The following CNNM4 variants were observed in gnomAD, a reference collection of about 807,000 sequenced individuals.
CNNM4 encodes the protein cyclin and CBS domain divalent metal cation transport mediator 4, also known as metal transporter CNNM4.
CNNM4 carries 32 observed loss-of-function variants against 53.7 expected under a neutral mutation model. The ratio of observed to expected loss-of-function variants is 0.60; its 90% CI spans 0.45 to 0.80. CNNM4 has a LOEUF of 0.80. Ranked by LOEUF, CNNM4 falls within the 30% of genes least tolerant of loss-of-function variation. CNNM4 has a pLI of 0.00. For synonymous variants in CNNM4, 410 were observed against 440.0 expected (o/e 0.93, Z 0.85); for missense variants, 784 against 1,022.0 (o/e 0.77, Z 3.17).
intron 1 of CNNM4, among the ~76,000 whole-genome samples, chr2:96,790,200 G>A (rs1374395872): frequency 1.3e-5 from 2 of 149,694 alleles, no homozygotes; most frequent in Non-Finnish European, 3.0e-5. Flanking sequence ...TAGAGATGGG[G>A]TTTCACCGTG....
intron 1 of CNNM4, among the ~76,000 whole-genome samples, chr2:96,785,303 G>C: frequency 6.6e-6 from 1 of 151,948 alleles, no homozygotes; most frequent in Non-Finnish European, 1.5e-5. Context: ...TGTTATACTA[G>C]TACATGTATT....
chr2:96,808,229 G>A lies in CNNM4; in HGVS notation c.1949-332G>A, dbSNP rs977323870. Among the ~76,000 whole-genome samples, 7 of 152,150 alleles carry A rather than the reference G, an allele frequency of 4.6e-5. No individual in the cohort carries two copies. The highest frequency in any genetic ancestry group is 1.0e-4 in the Non-Finnish European group (7 of 68,020). On this transcript the variant is annotated intron_variant, in intron 5 of 6. Transcript: ENST00000377075. This position sits in a 1 kb window ranked among gnomAD's most constrained non-coding sequence, Gnocchi z 4.9. ...CCTGTCCTGCTAGGATGATCATTGTGTTGCCCTTGACTGATTGGTTGTTGT... is the reference window on the plus strand; with the variant it reads ...CCTGTCCTGCTAGGATGATCATTGTATTGCCCTTGACTGATTGGTTGTTGT...
At chr2:96,765,125 G>GT (rs1464238818) in intron 1 of CNNM4, among the ~76,000 whole-genome samples, 2 of 109,242 alleles carry the variant, frequency 1.8e-5, no homozygotes, top group Admixed American at 1.2e-4. Context: ...TTGTTTGTTT[G>GT]TTGTTGTTTT....
intron 1 of CNNM4, among the ~76,000 whole-genome samples, chr2:96,787,004 T>C (rs1036320514): frequency 6.6e-6 from 1 of 152,204 alleles, no homozygotes; most frequent in Non-Finnish European, 1.5e-5. Context: ...TCTACTGTTT[T>C]GGAACTTTTT....
chr2:96,765,577 A>C (rs1487559113), intron 1 of CNNM4, among the ~76,000 whole-genome samples: 1 of 152,050 alleles, frequency 6.6e-6, no homozygotes, highest in African/African-American at 2.4e-5. Flanking sequence ...CTGCCCCACA[A>C]GTAATCCTCT....
Position 96,762,268 on chromosome 2 carries a change from C to T in CNNM4, c.1269C>T (p.Tyr423=), listed in dbSNP as rs758866379. The change falls in exon 1 of 7, where the codon TAC becomes TAT. Residue 423 remains tyrosine (Y), a synonymous_variant. Coordinates refer to ENST00000377075, the MANE Select transcript of CNNM4 (RefSeq NM_020184.4). ...AGTCCAATATTGTAGATATTCTCTA[C>T]GTCAAAGACTTGGCCTTTGTGGACC... ...DEQSNIVDIL[Y]VKDLAFVDPD... is the part of the protein sequence containing the mutation. 8 of 1,614,156 alleles carry T rather than the reference C, an allele frequency of 5.0e-6. No individual in the cohort carries two copies. In the Admixed American group the frequency reaches 6.7e-5, roughly 13 times the overall value.
At chr2:96,805,852 C>T (rs373837592) in intron 5 of CNNM4, among the ~76,000 whole-genome samples, 9 of 150,810 alleles carry the variant, frequency 6.0e-5, no homozygotes, top group African/African-American at 1.5e-4. Flanking sequence ...TACTTCTTTC[C>T]ACACAGACAC....
rs1307384263 is a variant in CNNM4, at chr2:96,761,615, C to T, written c.616C>T (p.Leu206Phe). The T allele has an allele frequency of 1.2e-6, 2 of 1,613,962 alleles. No homozygotes were observed. The highest frequency in any genetic ancestry group is 1.3e-5 in the African/African-American group (1 of 75,040). Residue 206 changes from leucine to phenylalanine, a missense_variant, in exon 1 of 7, where the codon CTT becomes TTT. Around this residue, in one of 3 missense-constraint regions of CNNM4, gnomAD observed 473 missense variants for 624.6 expected, o/e 0.76. Transcript: ENST00000377075. The surrounding 1 kb of genome is among the most constrained non-coding windows in gnomAD (Gnocchi z 6.0). ...CATATTTTCTGGCCTCAACCTCGGGCTTATGGCCCTGGACCCCATGGAGCT... is the reference window on the plus strand; with the variant it reads ...CATATTTTCTGGCCTCAACCTCGGGTTTATGGCCCTGGACCCCATGGAGCT... ...SGIFSGLNLGLMALDPMELRI... is the reference protein window; with the variant it reads ...SGIFSGLNLGFMALDPMELRI...
In CNNM4 at chr2:96,797,072, A is replaced by G. The variant is rs2079110406; in HGVS notation, c.1463A>G (p.Tyr488Cys). 1 of 1,613,960 alleles carries G rather than the reference A, an allele frequency of 6.2e-7. No homozygotes were observed. Among genetic ancestry groups the G allele is most frequent in the South Asian group, 1.1e-5 (1 of 91,080 alleles). Reference sequence around the variant, plus strand: ...AACGAGGGTGAGGGTGACCCCTTCTACGAGGTCCTGGGCCTGGTCACCCTG... The same window carrying G: ...AACGAGGGTGAGGGTGACCCCTTCTGCGAGGTCCTGGGCCTGGTCACCCTG... Reference protein sequence around the residue: ...VNNEGEGDPFYEVLGLVTLED... With the variant: ...VNNEGEGDPFCEVLGLVTLED... Residue 488 changes from tyrosine (Y) to cysteine (C), a missense_variant, in exon 2 of 7, where the codon TAC becomes TGC. By Grantham distance (194) the Tyr-to-Cys change is radical. Around this residue, in one of 3 missense-constraint regions of CNNM4, gnomAD observed 4 missense variants for 21.0 expected, o/e 0.19. Coordinates refer to ENST00000377075, the MANE Select transcript of CNNM4 (RefSeq NM_020184.4). This position sits in a 1 kb window ranked among gnomAD's most constrained non-coding sequence, Gnocchi z 6.0.
At chr2:96,795,698 ATTGTGAAGGG>A (rs1285059345) in intron 1 of CNNM4, among the ~76,000 whole-genome samples, 1 of 152,072 alleles carries the variant, frequency 6.6e-6, no homozygotes, top group Non-Finnish European at 1.5e-5. Context: ...AGGCCCTTGG[ATTGTGAAGGG>A]GAAGCCATGC....
intron 1 of CNNM4, among the ~76,000 whole-genome samples, chr2:96,777,082 G>A (rs749301660): frequency 4.7e-5 from 7 of 150,286 alleles, no homozygotes; most frequent in East Asian, 2.0e-4. Flanking sequence ...GTGTAATGGC[G>A]CAATCTCAGC....
At chr2:96,765,471 C>T (rs1428290015) in intron 1 of CNNM4, among the ~76,000 whole-genome samples, 1 of 152,132 alleles carries the variant, frequency 6.6e-6, no homozygotes, top group Non-Finnish European at 1.5e-5. Context: ...GCTGGGGCAA[C>T]TGTCTAGCCC....
intron 4 of CNNM4, 104 bp from the exon 5 acceptor site, chr2:96,799,448 C>T: frequency 8.5e-7 from 1 of 1,170,428 alleles, no homozygotes; most frequent in Non-Finnish European, 1.3e-6. Flanking sequence ...CCAGTACCGG[C>T]CCTTCCTCCT....
Position 96,762,402 on chromosome 2 carries a change from G to GTAA in CNNM4, c.1402+2_1402+4dup. On this transcript the variant is annotated splice_donor_variant, in intron 1 of 6. Coordinates refer to ENST00000377075, the MANE Select transcript of CNNM4 (RefSeq NM_020184.4). LOFTEE classifies it high-confidence loss of function. The stretch of plus-strand genomic sequence containing the variant: ...GCCATGCTGGAGGAGTTCAAGAAGG[G>GTAA]TAAGGCCAGATGTAGTTCCCCTGGT... 3 of 1,613,922 alleles carry GTAA rather than the reference G, an allele frequency of 1.9e-6. No individual in the cohort carries two copies. Among genetic ancestry groups the GTAA allele is most frequent in the Non-Finnish European group, 2.5e-6 (3 of 1,179,842 alleles).
intron 1 of CNNM4, among the ~76,000 whole-genome samples, chr2:96,775,320 T>C (rs1436147979): frequency 6.6e-6 from 1 of 152,186 alleles, no homozygotes; most frequent in East Asian, 1.9e-4. Flanking sequence ...ATATCATATA[T>C]ACACACTTTT....
chr2:96,773,058 G>A (rs1360500507), intron 1 of CNNM4, among the ~76,000 whole-genome samples: 4 of 152,200 alleles, frequency 2.6e-5, no homozygotes, highest in Admixed American at 6.5e-5. Context: ...TGCACACACA[G>A]GCTCGCAAAC....
In CNNM4 at chr2:96,811,490, TC is replaced by T. The variant is rs1289469430; in HGVS notation, c.*1976del. 1 of 152,504 alleles carries T rather than the reference TC, an allele frequency of 6.6e-6. No individual in the cohort carries two copies. Among genetic ancestry groups the T allele is most frequent in the East Asian group, 1.9e-4 (1 of 5,178 alleles). 9.4% of individuals were successfully genotyped at this position (152,504 alleles called of 1,614,324 possible). On this transcript the variant is annotated 3_prime_UTR_variant, in exon 7 of 7. Transcript: ENST00000377075. ...CTCCTCTTCCCTGGCCCATTGATCA[TC>T]CCTTCTCACAGAGGGTCATCATTAT...
intron 1 of CNNM4, among the ~76,000 whole-genome samples, chr2:96,778,691 ATCC>A (rs1183590737): frequency 7.2e-6 from 1 of 137,942 alleles, no homozygotes. Flanking sequence ...GGCTCAAGTA[ATCC>A]TCCTGCCTCA....
rs1558999038 is a variant in CNNM4 at position 96,808,716 on chromosome 2, G to T, written c.2104G>T (p.Ala702Ser). ...GTACATCTCTGACTTCAGCGTCCGGGCACTCGTGGACTTGCAGTACATCAA... is the reference window on the plus strand; with the variant it reads ...GTACATCTCTGACTTCAGCGTCCGGTCACTCGTGGACTTGCAGTACATCAA... ...GQYISDFSVR[A>S]LVDLQYIKIT... is the part of the protein sequence containing the mutation. Residue 702 changes from alanine to serine, a missense_variant, in exon 6 of 7, where the codon GCA becomes TCA. By Grantham distance (99) the Ala-to-Ser change is moderately conservative. This residue lies in a region of CNNM4 where 307 missense variants were observed against 376.3 expected (regional missense o/e 0.82). Transcript: ENST00000377075. The surrounding 1 kb of genome is among the most constrained non-coding windows in gnomAD (Gnocchi z 4.9). 5 of 1,614,108 alleles carry T rather than the reference G, an allele frequency of 3.1e-6. No individual in the cohort carries two copies. Among genetic ancestry groups the T allele is most frequent in the Non-Finnish European group, 3.4e-6 (4 of 1,180,018 alleles).
Sources: allele counts gnomAD v4.1 joint callset (sites outside exome capture counted in the v4.1 genomes callset), GRCh38; gene constraint gnomAD v4.1.1; regional missense constraint gnomAD v4.1.1; non-coding constraint Gnocchi (gnomAD v3.1); transcripts MANE v1.5; gene names NCBI Gene and HGNC (gene_info 2026-07-23, HGNC 2026-07-21).